The following RBFOX1 variants were observed in gnomAD, a reference collection of about 807,000 sequenced individuals.
RBFOX1 encodes the protein RNA binding fox-1 homolog 1.
Under a neutral mutation model 57.7 loss-of-function variants are expected in RBFOX1, and 8 were observed. The ratio of observed to expected loss-of-function variants is 0.14; its 90% confidence interval spans 0.08 to 0.25. RBFOX1 has a LOEUF of 0.25. Among genes scored for constraint, RBFOX1 ranks in the 10% least tolerant of loss-of-function variants. The pLI is 1.00. For missense variants in RBFOX1, 611 were observed against 548.5 expected, an observed-to-expected ratio of 1.11 and a Z score of -1.14; for synonymous variants, 326 against 222.4, an observed-to-expected ratio of 1.47 and a Z score of -4.15.
At chr16:6,844,578 C>A (rs958075918) in intron 3 of RBFOX1, among the ~76,000 whole-genome samples, 2 of 151,676 alleles carry the variant, frequency 1.3e-5, no homozygotes, top group Admixed American at 6.6e-5. Flanking sequence ...TTTATCCAGT[C>A]TTTGTCATTG....
rs557466818 is a variant in RBFOX1, at chr16:5,768,426, C to A, written c.319-98877C>A. ...TTCAACATGACCTCACTGTTTAGACCCCCTTAAAATACTTGTTTCCCCACC... is the reference window on the plus strand; with the variant it reads ...TTCAACATGACCTCACTGTTTAGACACCCTTAAAATACTTGTTTCCCCACC... On this transcript the variant is annotated intron_variant, in intron 3 of 19. Transcript: ENST00000641259. 2.0e-5 allele frequency among the ~76,000 whole-genome samples: 3 copies of A among 152,188 alleles called. No individual in the cohort carries two copies. In the South Asian group the frequency reaches 6.2e-4, roughly 32 times the overall value.
intron 4 of RBFOX1, among the ~76,000 whole-genome samples, chr16:7,245,912 C>T (rs1300099373): frequency 5.3e-5 from 8 of 152,112 alleles, no homozygotes; most frequent in Admixed American, 2.0e-4. Context: ...TCAATTCTCC[C>T]AGCCCATAGC....
Position 5,240,757 on chromosome 16 carries a change from C to T in RBFOX1, c.219+652C>T, listed in dbSNP as rs112902400. ...GTCCCTGTGAGCTCCCGGTGTCCTG[C>T]ACACGTGGGCCCCTGAGTGACCGGG... On this transcript the variant is annotated intron_variant, in intron 1 of 2. Coordinates refer to the RBFOX1 transcript ENST00000585867. Among the ~76,000 whole-genome samples the T allele has an allele frequency of 9.6e-3, 1,457 of 152,334 alleles. 22 individuals are homozygous for T. Among genetic ancestry groups the T allele is most frequent in the African/African-American group, 0.03 (1,263 of 41,588 alleles).
intron 4 of RBFOX1, among the ~76,000 whole-genome samples, chr16:7,447,496 G>A (rs1362320434): frequency 1.3e-5 from 2 of 151,310 alleles, no homozygotes; most frequent in Admixed American, 6.6e-5. Flanking sequence ...GAGTTGCAGA[G>A]TTAGGGGTAG....
chr16:6,397,663 T>C (rs916727304), intron 2 of RBFOX1, among the ~76,000 whole-genome samples: 2 of 152,160 alleles, frequency 1.3e-5, no homozygotes, highest in African/African-American at 4.8e-5. Flanking sequence ...TCTTTGAAAA[T>C]ATATGTAACT....
chr16:6,992,925 G>A (rs919319501), intron 3 of RBFOX1, among the ~76,000 whole-genome samples: 4 of 151,686 alleles, frequency 2.6e-5, no homozygotes, highest in African/African-American at 9.7e-5. Context: ...AATTATAATG[G>A]ATTTCATTGT....
chr16:5,477,395 A>T (rs1183997142), intron 2 of RBFOX1, among the ~76,000 whole-genome samples: 1 of 152,198 alleles, frequency 6.6e-6, no homozygotes, highest in Non-Finnish European at 1.5e-5. Flanking sequence ...TCTCACGACC[A>T]ATCAAATACC....
intron 2 of RBFOX1, among the ~76,000 whole-genome samples, chr16:5,527,803 C>T (rs2044303612): frequency 6.6e-6 from 1 of 152,136 alleles, no homozygotes; most frequent in South Asian, 2.1e-4. Context: ...AATGACAACC[C>T]ATCATTGTGG....
intron 14 of RBFOX1, among the ~76,000 whole-genome samples, chr16:7,700,923 T>C (rs1435206217): frequency 6.6e-6 from 1 of 152,188 alleles, no homozygotes; most frequent in African/African-American, 2.4e-5. Flanking sequence ...GTCTTTTAGA[T>C]GCCACAGTGT....
chr16:7,253,302 AT>A (rs2153032713), intron 4 of RBFOX1, among the ~76,000 whole-genome samples: 2 of 152,302 alleles, frequency 1.3e-5, no homozygotes, highest in African/African-American at 4.8e-5. Context: ...CTATTCAGAA[AT>A]TCGTGTTGAT....
intron 5 of RBFOX1, among the ~76,000 whole-genome samples, chr16:7,576,226 A>G (rs1004574208): frequency 2.0e-5 from 3 of 152,022 alleles, no homozygotes; most frequent in African/African-American, 7.2e-5. Flanking sequence ...ACCTAGCCCC[A>G]TTACCCCATT....
At chr16:7,181,154 G>C (rs1185299494) in intron 4 of RBFOX1, among the ~76,000 whole-genome samples, 1 of 152,172 alleles carries the variant, frequency 6.6e-6, no homozygotes, top group African/African-American at 2.4e-5. Context: ...CATGTGCCAG[G>C]TGGACGGCCT....
intron 2 of RBFOX1, among the ~76,000 whole-genome samples, chr16:6,422,229 C>CT (rs771957311): frequency 0.037 from 5,273 of 142,530 alleles, 274 homozygotes; most frequent in African/African-American, 0.12. Flanking sequence ...ACCACCTCTC[C>CT]TTTTTTTTTT....
chr16:6,216,952 G>A (rs909462798), intron 1 of RBFOX1, among the ~76,000 whole-genome samples: 8 of 150,262 alleles, frequency 5.3e-5, no homozygotes, highest in Admixed American at 4.0e-4. Flanking sequence ...TCTTCTGATC[G>A]TTCACCTTTT....
chr16:7,659,141 A>C (rs1411322897), intron 12 of RBFOX1, among the ~76,000 whole-genome samples: 1 of 152,204 alleles, frequency 6.6e-6, no homozygotes, highest in African/African-American at 2.4e-5. Context: ...ATTGTCATAC[A>C]TCTGTGTAAA....
chr16:6,749,260 C>T (rs755431398), intron 3 of RBFOX1, among the ~76,000 whole-genome samples: 6 of 152,104 alleles, frequency 3.9e-5, no homozygotes, highest in Non-Finnish European at 7.4e-5. Flanking sequence ...GCCTGGGTTC[C>T]TCATTGGTAC....
chr16:5,936,070 A>G (rs995272893), intron 4 of RBFOX1, among the ~76,000 whole-genome samples: 2 of 152,110 alleles, frequency 1.3e-5, no homozygotes, highest in Admixed American at 6.6e-5. Flanking sequence ...ATATATGGTA[A>G]AAATTATATG....
At chr16:7,266,075 C>T (rs1383860854) in intron 4 of RBFOX1, among the ~76,000 whole-genome samples, 5 of 145,616 alleles carry the variant, frequency 3.4e-5, no homozygotes, top group Admixed American at 2.1e-4. Context: ...CCCAGGTTCA[C>T]GCCATTCTCC....
chr16:7,333,147 G>A lies in RBFOX1; in HGVS notation c.28-185000G>A, dbSNP rs1339057609. ...CTCCAGAGTGCTCAGAGTAATAATT[G>A]GAATTTTTATGGTTGAGAAAGCAAA... On this transcript the variant is annotated intron_variant, in intron 4 of 15. Coordinates refer to ENST00000550418, the MANE Select transcript of RBFOX1 (RefSeq NM_018723.4). The A allele has an allele frequency of 3.3e-6, 5 of 1,514,154 alleles. No individual in the cohort carries two copies. The East Asian group carries it at 6.8e-5, about 20-fold the overall frequency. The allele number at this position is 1,514,154 out of a possible 1,614,324, so 93.8% of individuals were successfully genotyped here. A position where few individuals can be genotyped will look rare whatever the true frequency, so the allele number is the denominator to read the frequency against.
Sources: gnomAD v4.1 joint callset for allele counts (sites outside exome capture counted in the v4.1 genomes callset) on GRCh38, gnomAD v4.1.1 for gene constraint, MANE v1.5 for transcripts, NCBI Gene and HGNC (gene_info 2026-07-23, HGNC 2026-07-21) for gene names.